Variants in ABI1 observed in about 807,000 individuals in gnomAD.
The protein encoded by ABI1 is abl interactor 1, also known as Abelson interactor 1.
Under a neutral mutation model 54.6 loss-of-function variants are expected in ABI1, and 14 were observed. That is an observed-to-expected ratio of 0.26 (90% CI 0.17 to 0.40). ABI1 has a LOEUF of 0.40. Ranked by LOEUF, ABI1 falls within the 10% of genes least tolerant of loss-of-function variation. The probability of loss-of-function intolerance (pLI) is 1.00; values close to 1 mark genes in which losing one functional copy is unlikely to be tolerated. For synonymous variants in ABI1, 194 were observed against 209.3 expected, an observed-to-expected ratio of 0.93 and a Z score of 0.63; for missense variants, 443 against 598.3, an observed-to-expected ratio of 0.74 and a Z score of 2.71.
intron 2 of ABI1, among the ~76,000 whole-genome samples, chr10:26,778,595 T>G (rs1343876199): frequency 1.3e-5 from 2 of 152,154 alleles, no homozygotes; most frequent in Non-Finnish European, 2.9e-5. Flanking sequence ...TCAGAACTTT[T>G]TAATCGAGAA....
At position 26,748,558 on chromosome 10, in the gene ABI1, GA is replaced by G. The variant is rs113435131; in HGVS notation, c.*11del. 21,995 of 1,139,824 alleles carry G rather than the reference GA, an allele frequency of 0.019. 18 individuals are homozygous for G. Among genetic ancestry groups the G allele is most frequent in the South Asian group, 0.033 (1,968 of 59,988 alleles). 70.6% of individuals were successfully genotyped at this position (1,139,824 alleles called of 1,614,324 possible). A position where few individuals can be genotyped will look rare whatever the true frequency, so the allele number is the denominator to read the frequency against. ...TGAGTAATAAGAATCTACTTCAAAA[GA>G]AAAAAAAAAATTAATCAGTATAGTG... On this transcript the variant is annotated 3_prime_UTR_variant, in exon 11 of 11. Coordinates refer to ENST00000376140, the MANE Select transcript of ABI1 (RefSeq NM_001012750.3).
At position 26,823,423 on chromosome 10, in the gene ABI1, C is replaced by G. The variant is rs527461751; in HGVS notation, c.118-118G>C. 134 of 850,778 alleles carry G rather than the reference C, an allele frequency of 1.6e-4. No individual in the cohort carries two copies. In the African/African-American group the frequency reaches 2.1e-3, roughly 13 times the overall value. 52.7% of individuals were successfully genotyped at this position (850,778 alleles called of 1,614,324 possible). A position where few individuals can be genotyped will look rare whatever the true frequency, so the allele number is the denominator to read the frequency against. ...GAGAAATTCAATAAAAAAAAACTCACTGTACCAATATGATAGTCTCAGGAT... is the reference window on the plus strand; with the variant it reads ...GAGAAATTCAATAAAAAAAAACTCAGTGTACCAATATGATAGTCTCAGGAT... On this transcript the variant is annotated intron_variant, in intron 1 of 10. Coordinates refer to ENST00000376140, the MANE Select transcript of ABI1 (RefSeq NM_001012750.3).
At chr10:26,760,888 C>CAA (rs57750390) in intron 7 of ABI1, among the ~76,000 whole-genome samples, 680 of 49,434 alleles carry the variant, frequency 0.014, 54 homozygotes, top group Middle Eastern at 0.026. Context: ...GACTCCATCT[C>CAA]AAAAAAAAAA....
intron 1 of ABI1, among the ~76,000 whole-genome samples, chr10:26,829,864 A>C (rs527969558): frequency 6.6e-6 from 1 of 152,338 alleles, no homozygotes; most frequent in Middle Eastern, 3.4e-3. Context: ...CGAAATGCAT[A>C]CATTAAAATT....
chr10:26,823,108 T>C, intron 2 of ABI1, 30 bp downstream of exon 2: 3 of 1,543,690 alleles, frequency 1.9e-6, no homozygotes, highest in Non-Finnish European at 2.6e-6. Flanking sequence ...TTTTTTTAAA[T>C]TGAATTTAAA....
chr10:26,817,032 C>G (rs2047617516), intron 2 of ABI1, among the ~76,000 whole-genome samples: 1 of 141,010 alleles, frequency 7.1e-6, no homozygotes, highest in African/African-American at 2.7e-5. Context: ...CGGAGTCTTA[C>G]TCTGTCGCCC....
intron 1 of ABI1, among the ~76,000 whole-genome samples, chr10:26,857,654 A>C (rs1035879041): frequency 6.6e-6 from 1 of 151,706 alleles, no homozygotes; most frequent in Admixed American, 6.6e-5. Flanking sequence ...AAAAAAAAAA[A>C]AAAAAAAACT....
At chr10:26,838,050 G>A (rs2049220755) in intron 1 of ABI1, among the ~76,000 whole-genome samples, 1 of 148,680 alleles carries the variant, frequency 6.7e-6, no homozygotes, top group Middle Eastern at 3.5e-3. Context: ...TTGAGAGAGA[G>A]TCTTGCTCTG....
intron 1 of ABI1, among the ~76,000 whole-genome samples, chr10:26,823,565 G>C (rs912563948): frequency 6.6e-6 from 1 of 152,124 alleles, no homozygotes; most frequent in Non-Finnish European, 1.5e-5. Flanking sequence ...GAGACACACT[G>C]CACCAACTGG....
At chr10:26,817,801 A>G (rs114727486) in intron 2 of ABI1, among the ~76,000 whole-genome samples, 67 of 152,326 alleles carry the variant, frequency 4.4e-4, no homozygotes, top group African/African-American at 1.5e-3. Flanking sequence ...CCAGCAGAAT[A>G]GAGCAACACT....
At chr10:26,792,130 T>C (rs2133213508) in intron 2 of ABI1, among the ~76,000 whole-genome samples, 1 of 152,282 alleles carries the variant, frequency 6.6e-6, no homozygotes, top group East Asian at 1.9e-4. Context: ...ATGATAAACA[T>C]CCCTTTTGTG....
At chr10:26,839,424 A>G (rs969600048) in intron 1 of ABI1, among the ~76,000 whole-genome samples, 1 of 152,088 alleles carries the variant, frequency 6.6e-6, no homozygotes, top group Non-Finnish European at 1.5e-5. Flanking sequence ...TGAGCCCAGG[A>G]GGTTGAGGCT....
Position 26,746,641 on chromosome 10 carries a change from A to G in ABI1, c.*1929T>C, listed in dbSNP as rs1836948646. The G allele has an allele frequency of 1.5e-6, 1 of 670,720 alleles. No individual in the cohort carries two copies. The highest frequency in any genetic ancestry group is 2.5e-6 in the Non-Finnish European group (1 of 392,164). 41.5% of individuals were successfully genotyped at this position (670,720 alleles called of 1,614,324 possible). The stretch of plus-strand genomic sequence containing the variant: ...TTTTATTGCAAAAGTTTTTTCAGAA[A>G]ACTTTTTAAATGTAATTAATAAACC... On this transcript the variant is annotated 3_prime_UTR_variant, in exon 11 of 11. Coordinates refer to ENST00000376140, the MANE Select transcript of ABI1 (RefSeq NM_001012750.3).
chr10:26,770,420 T>C, intron 4 of ABI1, 75 bp from the exon 5 acceptor site: 1 of 1,326,034 alleles, frequency 7.5e-7, no homozygotes, highest in Non-Finnish European at 1.1e-6. Context: ...TGTATTATTT[T>C]TTTTAAATAT....
At position 26,751,583 on chromosome 10, in the gene ABI1, A is replaced by G. The variant is rs2242232; in HGVS notation, c.1270+15T>C. On this transcript the variant is annotated intron_variant, in intron 10 of 10. Transcript: ENST00000376140. The stretch of plus-strand genomic sequence containing the variant: ...GGTTATTTTCCTTCACATCAACTCA[A>G]TGACTGTACCTTACCTTTCTCAATA... 2,705 of 1,603,032 alleles carry G rather than the reference A, an allele frequency of 1.7e-3. 59 individuals are homozygous for G. The East Asian group carries it at 0.048, about 28-fold the overall frequency.
chr10:26,797,267 C>T (rs1181918757), intron 2 of ABI1, among the ~76,000 whole-genome samples: 1 of 152,162 alleles, frequency 6.6e-6, no homozygotes, highest in African/African-American at 2.4e-5. Flanking sequence ...GTTGCCTAAG[C>T]TCTTTGTGTA....
chr10:26,790,768 A>C (rs1843328018), intron 2 of ABI1: 1 of 152,260 alleles, frequency 6.6e-6, no homozygotes, highest in African/African-American at 2.4e-5. Flanking sequence ...TGCAAGAGGC[A>C]TAATACAGAG....
intron 2 of ABI1, among the ~76,000 whole-genome samples, chr10:26,808,210 T>A (rs1483963439): frequency 1.3e-5 from 2 of 152,238 alleles, no homozygotes; most frequent in African/African-American, 4.8e-5. Flanking sequence ...CTTTGTTTTT[T>A]ATATTTTGTT....
intron 1 of ABI1, among the ~76,000 whole-genome samples, chr10:26,832,400 A>AGG (rs2048741251): frequency 2.6e-5 from 4 of 151,620 alleles, no homozygotes; most frequent in East Asian, 1.9e-4. Context: ...GGCTAACACA[A>AGG]TGAAACCCTA....
Sources: allele counts gnomAD v4.1 joint callset (sites outside exome capture counted in the v4.1 genomes callset), GRCh38; gene constraint gnomAD v4.1.1; transcripts MANE v1.5; gene names NCBI Gene and HGNC (gene_info 2026-07-23, HGNC 2026-07-21).